Variants in CSMD1 observed in about 807,000 individuals in gnomAD.
CSMD1 encodes the protein CUB and Sushi multiple domains 1, also known as CUB and sushi domain-containing protein 1.
Under a neutral mutation model 417.5 loss-of-function variants are expected in CSMD1, and 213 were observed. The ratio of observed to expected loss-of-function variants is 0.51; its 90% confidence interval spans 0.46 to 0.57. CSMD1 has a LOEUF of 0.57. Ranked by LOEUF, CSMD1 falls within the 20% of genes least tolerant of loss-of-function variation. CSMD1 has a pLI of 0.00. For synonymous variants in CSMD1, 2,862 were observed against 1,736.8 expected (o/e 1.65, Z -16.11); for missense variants, 6,923 against 4,529.7 (o/e 1.53, Z -15.17).
chr8:4,917,554 A>T (rs1806151228), intron 1 of CSMD1, among the ~76,000 whole-genome samples: 1 of 152,346 alleles, frequency 6.6e-6, no homozygotes, highest in South Asian at 2.1e-4. Flanking sequence ...GAATCGCTTG[A>T]ACCCAGGAAG....
chr8:3,077,657 G>A (rs553837382), intron 49 of CSMD1, among the ~76,000 whole-genome samples: 1 of 152,318 alleles, frequency 6.6e-6, no homozygotes, highest in Admixed American at 6.5e-5. Flanking sequence ...TGAGGCTTAT[G>A]CCTGCATGCC....
At chr8:3,845,694 A>C (rs528281583) in intron 5 of CSMD1, among the ~76,000 whole-genome samples, 5 of 152,254 alleles carry the variant, frequency 3.3e-5, no homozygotes, top group South Asian at 2.1e-4. Context: ...TTACTGTAAC[A>C]TTTTGTATTT....
rs1404292695 is a variant in CSMD1, at chr8:3,796,057, G to T, written c.819-42015C>A. Among the ~76,000 whole-genome samples, 10 of 50,402 alleles carry T rather than the reference G, an allele frequency of 2.0e-4. 2 individuals carry two copies. Among genetic ancestry groups the T allele is most frequent in the Non-Finnish European group, 3.0e-4 (7 of 23,218 alleles). The allele number at this position is 50,402 out of a possible 152,430, so 33.1% of individuals were successfully genotyped here. On this transcript the variant is annotated intron_variant, in intron 5 of 69. Transcript: ENST00000635120. ...TAGATATATATCTATCATAGATATAGATATATATCTATCATAGATATAGAT... is the reference window on the plus strand; with the variant it reads ...TAGATATATATCTATCATAGATATATATATATATCTATCATAGATATAGAT...
intron 14 of CSMD1, among the ~76,000 whole-genome samples, chr8:3,406,831 A>C (rs1812371125): frequency 6.6e-6 from 1 of 152,232 alleles, no homozygotes; most frequent in Admixed American, 6.5e-5. Context: ...TACATAAAAT[A>C]GGTTTTAAAA....
In CSMD1 at chr8:2,965,777, T is replaced by C. The variant is rs888686490; in HGVS notation, c.9278A>G (p.Lys3093Arg). 1.2e-6 allele frequency: 2 copies of C among 1,601,232 alleles called. No individual in the cohort carries two copies. Among genetic ancestry groups the C allele is most frequent in the Non-Finnish European group, 1.7e-6 (2 of 1,173,256 alleles). ...ATCCAAAGAGTCACCAAACAAACCT[T>C]TGCAGACAGGTTTGCTCGGATTCCA... ...GRWNPSKPVCKAVLCPQPPPV... is the reference protein window; with the variant it reads ...GRWNPSKPVCRAVLCPQPPPV... The change falls in exon 59 of 70, where the codon AAA becomes AGA. Residue 3093 changes from lysine (K) to arginine (R), a missense_variant and splice_region_variant. Lys to Arg is a conservative substitution (Grantham distance 26). Coordinates refer to ENST00000635120, the MANE Select transcript of CSMD1 (RefSeq NM_033225.6).
chr8:3,389,226 C>T (rs1022434623), intron 17 of CSMD1, among the ~76,000 whole-genome samples: 1 of 152,056 alleles, frequency 6.6e-6, no homozygotes, highest in African/African-American at 2.4e-5. Flanking sequence ...AGTATTAAGC[C>T]TAGTGCCCAT....
chr8:3,429,997 G>A (rs184275435), intron 12 of CSMD1, among the ~76,000 whole-genome samples: 1 of 151,494 alleles, frequency 6.6e-6, no homozygotes, highest in African/African-American at 2.4e-5. Flanking sequence ...TGTGTGTATG[G>A]GTATACATGT....
At chr8:3,915,512 G>T in intron 5 of CSMD1, among the ~76,000 whole-genome samples, 1 of 151,574 alleles carries the variant, frequency 6.6e-6, no homozygotes, top group East Asian at 1.9e-4. Flanking sequence ...GGACATTACT[G>T]GGCTTTGTTG....
At chr8:3,162,136 C>G (rs1191067319) in intron 38 of CSMD1, 23 bp downstream of exon 38, 2 of 1,452,512 alleles carry the variant, frequency 1.4e-6, no homozygotes, top group Non-Finnish European at 1.9e-6. Context: ...TATGTTATTC[C>G]TGAGCACTGA....
At chr8:4,032,504 G>A (rs72624014) in intron 3 of CSMD1, among the ~76,000 whole-genome samples, 22,656 of 152,156 alleles carry the variant, frequency 0.15, 2,399 homozygotes, top group East Asian at 0.38. Context: ...AATACTGCAA[G>A]AGTGAATACT....
At chr8:3,973,117 G>T (rs980771356) in intron 5 of CSMD1, among the ~76,000 whole-genome samples, 1 of 152,208 alleles carries the variant, frequency 6.6e-6, no homozygotes, top group South Asian at 2.1e-4. Flanking sequence ...TTTCTTGACA[G>T]TTGGAAAGTT....
At chr8:3,479,765 T>A (rs1047855606) in intron 11 of CSMD1, among the ~76,000 whole-genome samples, 1 of 150,070 alleles carries the variant, frequency 6.7e-6, no homozygotes, top group African/African-American at 2.5e-5. Flanking sequence ...TGAAAGACAA[T>A]CAACCAACCC....
chr8:3,739,585 T>A (rs1796691332), intron 6 of CSMD1, among the ~76,000 whole-genome samples: 1 of 152,318 alleles, frequency 6.6e-6, no homozygotes. Context: ...TGCTTAAGTT[T>A]TTGAAAACTA....
intron 3 of CSMD1, among the ~76,000 whole-genome samples, chr8:4,191,406 A>AAAAG (rs1563249326): frequency 6.6e-6 from 1 of 152,042 alleles, no homozygotes; most frequent in African/African-American, 2.4e-5. Context: ...AGAAAAAACA[A>AAAAG]AAAACAAAAC....
At chr8:3,625,092 G>A (rs17066637) in intron 7 of CSMD1, among the ~76,000 whole-genome samples, 5,038 of 150,974 alleles carry the variant, frequency 0.033, 298 homozygotes, top group African/African-American at 0.12. Context: ...ATTTTTTGCT[G>A]TTTTTACAGA....
intron 11 of CSMD1, among the ~76,000 whole-genome samples, chr8:3,474,764 C>G (rs538363112): frequency 6.6e-6 from 1 of 152,238 alleles, no homozygotes; most frequent in South Asian, 2.1e-4. Flanking sequence ...TTCATCAAAA[C>G]ATATAGTTAC....
At chr8:3,092,496 G>T (rs1815010886) in intron 47 of CSMD1, among the ~76,000 whole-genome samples, 1 of 152,158 alleles carries the variant, frequency 6.6e-6, no homozygotes, top group African/African-American at 2.4e-5. Flanking sequence ...GGCACAAGTG[G>T]AATTGGATAT....
At chr8:4,321,138 T>G (rs759907106) in intron 3 of CSMD1, among the ~76,000 whole-genome samples, 1 of 151,966 alleles carries the variant, frequency 6.6e-6, no homozygotes, top group Non-Finnish European at 1.5e-5. Context: ...GCAGGAAGAG[T>G]GTCAAACCTA....
At chr8:4,214,290 T>A (rs1293438038) in intron 3 of CSMD1, among the ~76,000 whole-genome samples, 1 of 152,172 alleles carries the variant, frequency 6.6e-6, no homozygotes, top group African/African-American at 2.4e-5. Flanking sequence ...TTAAAATTAG[T>A]AGTAATAGTA....
Sources: allele counts gnomAD v4.1 joint callset (sites outside exome capture counted in the v4.1 genomes callset), GRCh38; gene constraint gnomAD v4.1.1; transcripts MANE v1.5; gene names NCBI Gene and HGNC (gene_info 2026-07-23, HGNC 2026-07-21).